The following SDHC variants were observed in gnomAD, a reference collection of about 807,000 sequenced individuals.
The protein encoded by SDHC is succinate dehydrogenase cytochrome b560 subunit, mitochondrial.
SDHC carries 11 observed loss-of-function variants against 22.6 expected under a neutral mutation model. The ratio of observed to expected loss-of-function variants is 0.49; its 90% confidence interval spans 0.31 to 0.81. The LOEUF (loss-of-function observed/expected upper bound fraction) is 0.81. Among genes scored for constraint, SDHC ranks in the 30% least tolerant of loss-of-function variants. The probability of loss-of-function intolerance (pLI) is 0.05; values close to 1 mark genes in which losing one functional copy is unlikely to be tolerated. For missense variants in SDHC, 160 were observed against 212.0 expected (o/e 0.75, Z 1.52); for synonymous variants, 80 against 77.8 (o/e 1.03, Z -0.15).
intron 2 of SDHC, among the ~76,000 whole-genome samples, chr1:161,327,094 T>C (rs920731720): frequency 2.6e-5 from 4 of 152,006 alleles, no homozygotes; most frequent in Non-Finnish European, 5.9e-5. Context: ...TTGGCTAAAT[T>C]TTCTTTGCAT....
At chr1:161,339,910 C>T (rs1671658750) in intron 3 of SDHC, among the ~76,000 whole-genome samples, 1 of 151,650 alleles carries the variant, frequency 6.6e-6, no homozygotes, top group Non-Finnish European at 1.5e-5. Context: ...GAACTCCTGA[C>T]CTCAGGTGAT....
At chr1:161,345,075 A>T (rs1428097447) in intron 4 of SDHC, among the ~76,000 whole-genome samples, 1 of 152,210 alleles carries the variant, frequency 6.6e-6, no homozygotes, top group African/African-American at 2.4e-5. Context: ...TTAGATTAAA[A>T]TTCAAATATC....
At chr1:161,351,645 ACT>A (rs1447501351) in intron 4 of SDHC, among the ~76,000 whole-genome samples, 1 of 152,064 alleles carries the variant, frequency 6.6e-6, no homozygotes, top group Non-Finnish European at 1.5e-5. Flanking sequence ...ACCTGGCAAA[ACT>A]CTTACCAGAA....
At chr1:161,318,592 C>T (rs1410469797) in intron 1 of SDHC, among the ~76,000 whole-genome samples, 1 of 152,152 alleles carries the variant, frequency 6.6e-6, no homozygotes, top group African/African-American at 2.4e-5. Flanking sequence ...TATTAAATGC[C>T]GTATGTGAAA....
At chr1:161,343,914 A>G (rs1224555474) in intron 4 of SDHC, among the ~76,000 whole-genome samples, 2 of 152,116 alleles carry the variant, frequency 1.3e-5, no homozygotes, top group African/African-American at 2.4e-5. Context: ...ATTTTTCACA[A>G]CTGAAGAATT....
At chr1:161,336,273 G>A (rs115930665) in intron 3 of SDHC, among the ~76,000 whole-genome samples, 418 of 152,202 alleles carry the variant, frequency 2.7e-3, no homozygotes, top group African/African-American at 9.2e-3. Context: ...CCTGATCTCA[G>A]GTGAAACCCT....
chr1:161,326,656 C>T (rs1454966862), intron 2 of SDHC: 4 of 135,834 alleles, frequency 2.9e-5, no homozygotes, highest in African/African-American at 1.1e-4. Flanking sequence ...GACAGAGTCT[C>T]GTTCTGTCGA....
chr1:161,314,514 G>A (rs1670529180), intron 1 of SDHC, 89 bp downstream of exon 1: 5 of 1,512,174 alleles, frequency 3.3e-6, no homozygotes, highest in Admixed American at 3.4e-5. Flanking sequence ...TGTTTATCCT[G>A]TGCCTGGGCA....
intron 3 of SDHC, among the ~76,000 whole-genome samples, chr1:161,335,835 A>ATATACATG (rs375919856): frequency 0.02 from 3,047 of 152,172 alleles, 94 homozygotes; most frequent in African/African-American, 0.07. Context: ...ATATATACAT[A>ATATACATG]CATCTCTGTT....
intron 3 of SDHC, among the ~76,000 whole-genome samples, chr1:161,328,931 C>G (rs1347037927): frequency 2.0e-5 from 3 of 151,990 alleles, no homozygotes; most frequent in Non-Finnish European, 2.9e-5. Context: ...TTTTCTGAGA[C>G]AGAGTCTTGC....
chr1:161,339,916 G>A (rs530156552), intron 3 of SDHC, among the ~76,000 whole-genome samples: 4 of 151,798 alleles, frequency 2.6e-5, no homozygotes, highest in African/African-American at 7.2e-5. Flanking sequence ...CTGACCTCAG[G>A]TGATCCACCT....
chr1:161,326,990 C>A (rs1009038069), intron 2 of SDHC, among the ~76,000 whole-genome samples: 21 of 152,064 alleles, frequency 1.4e-4, no homozygotes, highest in Admixed American at 6.6e-5. Context: ...ATGATGCAAT[C>A]ACAGCTCACT....
At chr1:161,343,713 G>A (rs1671797314) in intron 4 of SDHC, among the ~76,000 whole-genome samples, 2 of 152,122 alleles carry the variant, frequency 1.3e-5, no homozygotes, top group South Asian at 4.1e-4. Flanking sequence ...TTTCTACTCA[G>A]TTTGGTGATA....
intron 4 of SDHC, among the ~76,000 whole-genome samples, chr1:161,341,529 G>A (rs568800198): frequency 4.1e-4 from 63 of 152,268 alleles, no homozygotes; most frequent in Admixed American, 7.2e-4. Flanking sequence ...GGGATCTGAT[G>A]TATCTTTTCA....
intron 3 of SDHC, among the ~76,000 whole-genome samples, chr1:161,335,211 A>G (rs1480536663): frequency 6.6e-6 from 1 of 152,202 alleles, no homozygotes; most frequent in African/African-American, 2.4e-5. Flanking sequence ...AGTACATTGT[A>G]TCAGGAGGCA....
intron 1 of SDHC, among the ~76,000 whole-genome samples, chr1:161,322,955 G>A (rs1040422851): frequency 6.6e-6 from 1 of 151,910 alleles, no homozygotes; most frequent in African/African-American, 2.4e-5. Flanking sequence ...TTTTTTGTTT[G>A]TTTTGTTAAC....
chr1:161,342,226 A>T (rs1283249641), intron 4 of SDHC, among the ~76,000 whole-genome samples: 1 of 152,220 alleles, frequency 6.6e-6, no homozygotes, highest in African/African-American at 2.4e-5. Flanking sequence ...GCTCTCTATT[A>T]GTCTCCTTGA....
chr1:161,345,161 C>T (rs1032357813), intron 4 of SDHC, among the ~76,000 whole-genome samples: 4 of 152,186 alleles, frequency 2.6e-5, no homozygotes, highest in Non-Finnish European at 4.4e-5. Context: ...GTGCTCCAGC[C>T]ACACTGGTGT....
intron 3 of SDHC, among the ~76,000 whole-genome samples, chr1:161,331,334 C>T (rs1010036785): frequency 6.6e-6 from 1 of 151,710 alleles, no homozygotes; most frequent in Non-Finnish European, 1.5e-5. Flanking sequence ...GTGGCACGAT[C>T]TGGGCTCATT....
Sources: gnomAD v4.1 joint callset for allele counts (sites outside exome capture counted in the v4.1 genomes callset) on GRCh38, gnomAD v4.1.1 for gene constraint, MANE v1.5 for transcripts, NCBI Gene and HGNC (gene_info 2026-07-23, HGNC 2026-07-21) for gene names.